Variants in STK33 observed in about 807,000 individuals in gnomAD.
STK33 encodes the protein serine/threonine kinase 33.
STK33 carries 52 observed loss-of-function variants against 58.0 expected under a neutral mutation model. That is an observed-to-expected ratio of 0.90 (90% CI 0.72 to 1.13). STK33 has a LOEUF of 1.13. STK33 is among the 50% of genes most tolerant of loss of function. The probability of loss-of-function intolerance (pLI) is 0.00; values close to 1 mark genes in which losing one functional copy is unlikely to be tolerated. For synonymous variants in STK33, 215 were observed against 200.1 expected, an observed-to-expected ratio of 1.07 and a Z score of -0.63; for missense variants, 630 against 604.2, an observed-to-expected ratio of 1.04 and a Z score of -0.45.
intron 15 of STK33, among the ~76,000 whole-genome samples, chr11:8,411,857 A>G (rs1273734127): frequency 2.0e-5 from 3 of 152,234 alleles, no homozygotes; most frequent in Non-Finnish European, 4.4e-5. Flanking sequence ...ACCCACTGGT[A>G]TAGTTCTAGC....
chr11:8,535,045 G>C (rs551784612), intron 1 of STK33, among the ~76,000 whole-genome samples: 15 of 152,270 alleles, frequency 9.9e-5, no homozygotes, highest in African/African-American at 3.6e-4. Flanking sequence ...GCCTGGTACA[G>C]AGATGAGTCT....
At position 8,431,751 on chromosome 11, in the gene STK33, A is replaced by G. The variant is rs140782721; in HGVS notation, c.1146+3743T>C. ...TAAGAGCATACAACTCTTCTTTACTACCTATGGAATGAAGTTAAAATTGTA... is the reference window on the plus strand; with the variant it reads ...TAAGAGCATACAACTCTTCTTTACTGCCTATGGAATGAAGTTAAAATTGTA... On this transcript the variant is annotated intron_variant, in intron 14 of 15. Transcript: ENST00000687296. Among the ~76,000 whole-genome samples the G allele has an allele frequency of 2.7e-3, 404 of 152,266 alleles. 1 individual carries two copies. Among genetic ancestry groups the G allele is most frequent in the African/African-American group, 9.3e-3 (388 of 41,554 alleles).
At chr11:8,578,593 T>C (rs1470862785) in intron 1 of STK33, among the ~76,000 whole-genome samples, 8 of 151,854 alleles carry the variant, frequency 5.3e-5, no homozygotes, top group Non-Finnish European at 1.0e-4. Context: ...ATGTACATTT[T>C]TGTACGTGTA....
At chr11:8,486,520 A>C (rs997288458) in intron 1 of STK33, among the ~76,000 whole-genome samples, 2 of 152,156 alleles carry the variant, frequency 1.3e-5, no homozygotes, top group South Asian at 4.1e-4. Flanking sequence ...GTCTTGGTTG[A>C]GTCTCTGCCT....
chr11:8,413,626 G>T lies in STK33; in HGVS notation c.1213C>A (p.Pro405Thr). The change falls in exon 15 of 16, where the codon CCA becomes ACA. Residue 405 changes from proline (P) to threonine (T), a missense_variant. Pro to Thr is a conservative substitution (Grantham distance 38). Transcript: ENST00000687296. ...GTTGTGTTTTCCTCAACACTTTCTG[G>T]GTTATTTTTCCATTCCTTCATCATC... ...LEMMKEWKNN[P>T]ESVEENTTEE... 6.2e-7 allele frequency: 1 copy of T among 1,613,838 alleles called. No individual in the cohort carries two copies. The highest frequency in any genetic ancestry group is 1.1e-5 in the South Asian group (1 of 91,046).
chr11:8,469,880 G>T (rs1471265186), intron 6 of STK33, among the ~76,000 whole-genome samples: 2 of 152,236 alleles, frequency 1.3e-5, no homozygotes, highest in Admixed American at 6.5e-5. Context: ...TGAGAAGTAG[G>T]TCTCAAATGT....
chr11:8,463,749 A>T (rs1156802640), intron 7 of STK33, among the ~76,000 whole-genome samples: 1 of 152,196 alleles, frequency 6.6e-6, no homozygotes, highest in Non-Finnish European at 1.5e-5. Flanking sequence ...CTCAACATCA[A>T]TATAAATATG....
At chr11:8,533,654 G>A (rs574757097) in intron 1 of STK33, among the ~76,000 whole-genome samples, 39 of 152,292 alleles carry the variant, frequency 2.6e-4, no homozygotes, top group African/African-American at 8.2e-4. Flanking sequence ...AGGGAAGGCA[G>A]AAGTTCACAA....
At position 8,594,222 on chromosome 11, in the gene STK33, A is replaced by G. The variant is rs1359353684; in HGVS notation, c.-605T>C. 1 of 152,294 alleles carries G rather than the reference A, an allele frequency of 6.6e-6. No homozygotes were observed. Among genetic ancestry groups the G allele is most frequent in the Non-Finnish European group, 1.5e-5 (1 of 68,102 alleles). 9.4% of individuals were successfully genotyped at this position (152,294 alleles called of 1,614,324 possible). On this transcript the variant is annotated 5_prime_UTR_variant, in exon 1 of 16. Coordinates refer to ENST00000687296, the MANE Select transcript of STK33 (RefSeq NM_001352389.2). ...CAGTGGACGGGGGCCGCGCGAGGAC[A>G]AACAGCGGCGGCGGGTGCAAAGCCC...
downstream of STK33, among the ~76,000 whole-genome samples, chr11:8,391,468 A>G (rs985017938): frequency 6.6e-6 from 1 of 152,184 alleles, no homozygotes; most frequent in Non-Finnish European, 1.5e-5. Flanking sequence ...CACACGTACT[A>G]TTTTTAGTTA....
rs558520563 is a variant in STK33 at position 8,547,879 on chromosome 11, G to A, written c.-466+46204C>T. 2.8e-3 allele frequency among the ~76,000 whole-genome samples: 422 copies of A among 152,044 alleles called. 2 individuals are homozygous for A. The highest frequency in any genetic ancestry group is 9.7e-3 in the African/African-American group (401 of 41,462). On this transcript the variant is annotated intron_variant, in intron 1 of 15. Coordinates refer to ENST00000687296, the MANE Select transcript of STK33 (RefSeq NM_001352389.2). The stretch of plus-strand genomic sequence containing the variant: ...CCTTTGTAGGGACATAGATGAAGCT[G>A]GAAACCATCATTCTGAGCAAACTAT...
chr11:8,468,559 C>T (rs1226658518), intron 6 of STK33, among the ~76,000 whole-genome samples: 1 of 152,064 alleles, frequency 6.6e-6, no homozygotes, highest in Non-Finnish European at 1.5e-5. Flanking sequence ...TGCATTGGTC[C>T]TCAAACAATA....
the STK33 span, among the ~76,000 whole-genome samples, chr11:8,376,962 TG>T: frequency 6.6e-6 from 1 of 152,340 alleles, no homozygotes; most frequent in African/African-American, 2.4e-5. Context: ...AAGGCTCCAC[TG>T]TAGAAGCCTT....
At chr11:8,356,685 G>A in the STK33 span, among the ~76,000 whole-genome samples, 2 of 152,182 alleles carry the variant, frequency 1.3e-5, no homozygotes, top group African/African-American at 4.8e-5. Flanking sequence ...TCTGTCCATA[G>A]CAATTCCTGC....
the STK33 span, among the ~76,000 whole-genome samples, chr11:8,351,309 C>G: frequency 6.6e-6 from 1 of 152,190 alleles, no homozygotes; most frequent in Non-Finnish European, 1.5e-5. Context: ...CCACCCCTAC[C>G]TCTACTTTTA....
chr11:8,349,278 C>T, the STK33 span, among the ~76,000 whole-genome samples: 517 of 152,350 alleles, frequency 3.4e-3, 2 homozygotes, highest in African/African-American at 0.012. Context: ...ATATAAGTGC[C>T]ATGCAAGTGT....
intron 1 of STK33, among the ~76,000 whole-genome samples, chr11:8,575,092 G>GA (rs2141220413): frequency 6.6e-6 from 1 of 152,264 alleles, no homozygotes; most frequent in African/African-American, 2.4e-5. Flanking sequence ...AATTTTTTGT[G>GA]AAAATGACAA....
rs2030208610 is a variant in STK33, at chr11:8,581,354, T to C, written c.-466+12729A>G. ...CAACATAGTGAGACCCCCATATATATAAAAAAAATAGCCAGGCATGGTGGT... is the reference window on the plus strand; with the variant it reads ...CAACATAGTGAGACCCCCATATATACAAAAAAAATAGCCAGGCATGGTGGT... On this transcript the variant is annotated intron_variant, in intron 1 of 15. Transcript: ENST00000687296. Among the ~76,000 whole-genome samples, 3 of 151,768 alleles carry C rather than the reference T, an allele frequency of 2.0e-5. No homozygotes were observed. In the South Asian group the frequency reaches 6.2e-4, roughly 32 times the overall value.
intron 1 of STK33, among the ~76,000 whole-genome samples, chr11:8,501,198 CT>C (rs1951490631): frequency 6.6e-6 from 1 of 152,088 alleles, no homozygotes; most frequent in African/African-American, 2.4e-5. Context: ...GATACATGGA[CT>C]TTAAAATAAG....
Sources: gnomAD v4.1 joint callset for allele counts (sites outside exome capture counted in the v4.1 genomes callset) on GRCh38, gnomAD v4.1.1 for gene constraint, MANE v1.5 for transcripts, NCBI Gene and HGNC (gene_info 2026-07-23, HGNC 2026-07-21) for gene names.